ARHGEF10: variants seen among roughly 807,000 people sequenced by gnomAD.
ARHGEF10 encodes the protein Rho guanine nucleotide exchange factor 10.
Under a neutral mutation model 147.4 loss-of-function variants are expected in ARHGEF10, and 140 were observed. The observed-to-expected ratio is 0.95, with a 90% CI of 0.83 to 1.09. The LOEUF is 1.09. Among genes scored for constraint, ARHGEF10 ranks in the 50% least tolerant of loss-of-function variants. The pLI is 0.00. For synonymous variants in ARHGEF10, 902 were observed against 695.8 expected (o/e 1.30, Z -4.67); for missense variants, 2,222 against 1,752.7 (o/e 1.27, Z -4.78).
rs1307051844 is a variant in ARHGEF10 at position 1,896,347 on chromosome 8, G to A, written c.1455G>A (p.Met485Ile). ...CTGTGTTTCAGTTTTCTAAGTCCAT[G>A]GTGCTGGATGCATACAGTGAATATG... Reference protein sequence around the residue: ...DVFVASFSKSMVLDAYSEYVN... With the variant: ...DVFVASFSKSIVLDAYSEYVN... The change falls in exon 14 of 29, where the codon ATG becomes ATA. Residue 485 changes from methionine to isoleucine, a missense_variant. Coordinates refer to ENST00000349830, the MANE Select transcript of ARHGEF10 (RefSeq NM_014629.4). 1 of 1,613,416 alleles carries A rather than the reference G, an allele frequency of 6.2e-7. No individual in the cohort carries two copies. Among genetic ancestry groups the A allele is most frequent in the Non-Finnish European group, 8.5e-7 (1 of 1,179,592 alleles).
At chr8:1,869,144 A>T (rs766096147) in intron 6 of ARHGEF10, 50 bp from the exon 7 acceptor site, 2 of 1,520,612 alleles carry the variant, frequency 1.3e-6, no homozygotes, top group Non-Finnish European at 1.8e-6. Context: ...TTTAAATTGC[A>T]CTAGGTTTTG....
rs532348940 is a variant in ARHGEF10 at position 1,926,783 on chromosome 8, AT to A, written c.2697+328del. On this transcript the variant is annotated intron_variant, in intron 23 of 28. Coordinates refer to ENST00000349830, the MANE Select transcript of ARHGEF10 (RefSeq NM_014629.4). ...CCATTTTGGTGTCAACATTGCATGG[AT>A]TTTTTTTCTTGTTCCAAGACTGGCT... 2.2e-4 allele frequency: 82 copies of A among 373,012 alleles called. 1 individual carries two copies. The East Asian group carries it at 4.6e-3, about 21-fold the overall frequency. 23.1% of individuals were successfully genotyped at this position (373,012 alleles called of 1,614,324 possible).
intron 2 of ARHGEF10, among the ~76,000 whole-genome samples, chr8:1,844,472 T>TCACCGG (rs1804386879): frequency 2.8e-4 from 5 of 17,936 alleles, no homozygotes; most frequent in South Asian, 3.3e-3. Context: ...GGGTGAGCAG[T>TCACCGG]GGCCACCCCA....
At chr8:1,954,628 A>C in intron 28 of ARHGEF10, among the ~76,000 whole-genome samples, 1 of 152,066 alleles carries the variant, frequency 6.6e-6, no homozygotes, top group Non-Finnish European at 1.5e-5. Flanking sequence ...AGGGGCTGTG[A>C]CTCACACACT....
At chr8:1,888,115 TTA>T (rs1808871851) in intron 11 of ARHGEF10, among the ~76,000 whole-genome samples, 1 of 100,126 alleles carries the variant, frequency 1.0e-5, no homozygotes, top group African/African-American at 8.5e-5. Context: ...GAGGAGACAC[TTA>T]GTGGGGTGAG....
intron 11 of ARHGEF10, among the ~76,000 whole-genome samples, chr8:1,888,127 G>A (rs1382972446): frequency 3.9e-5 from 3 of 76,090 alleles, no homozygotes; most frequent in African/African-American, 2.3e-4. Context: ...AGTGGGGTGA[G>A]GGTTTGCGAG....
chr8:1,892,484 T>A (rs939924853), intron 11 of ARHGEF10, among the ~76,000 whole-genome samples: 3 of 152,174 alleles, frequency 2.0e-5, no homozygotes, highest in African/African-American at 7.2e-5. Context: ...TAATCAGGTT[T>A]TGTAAATCTT....
Position 1,843,424 on chromosome 8 carries a change from C to A in ARHGEF10, c.25C>A (p.Pro9Thr), listed in dbSNP as rs775611685. 5.0e-6 allele frequency: 8 copies of A among 1,613,060 alleles called. No individual in the cohort carries two copies. In the Admixed American group the frequency reaches 1.0e-4, roughly 20 times the overall value. Reference sequence around the variant, plus strand: ...CATGGACCAGCGAGAGCCCCTGCCTCCCGCTCCTGCAGGTAACAGCACTCA... The same window carrying A: ...CATGGACCAGCGAGAGCCCCTGCCTACCGCTCCTGCAGGTAACAGCACTCA... MDQREPLPPAPAENEMKYD... is the reference protein window; with the variant it reads MDQREPLPTAPAENEMKYD... The change falls in exon 2 of 29, where the codon CCC (proline) becomes ACC (threonine). Residue 9 changes from proline (P) to threonine (T), a missense_variant. Physicochemically the swap from Pro to Thr is conservative, Grantham distance 38. Transcript: ENST00000349830.
At chr8:1,927,953 A>C (rs1429479740) in intron 23 of ARHGEF10, among the ~76,000 whole-genome samples, 4 of 152,176 alleles carry the variant, frequency 2.6e-5, no homozygotes, top group African/African-American at 9.7e-5. Context: ...AAAAAGAAAA[A>C]AAAAGAAATT....
rs114864414 is a variant in ARHGEF10, at chr8:1,940,760, A to G, written c.3223-4721A>G. On this transcript the variant is annotated intron_variant, in intron 26 of 28. Coordinates refer to ENST00000349830, the MANE Select transcript of ARHGEF10 (RefSeq NM_014629.4). The stretch of plus-strand genomic sequence containing the variant: ...AAATTGAAATCAACAGCGTACTGAA[A>G]GGATTGTGTACCCTGGAAAAATGAG... Among the ~76,000 whole-genome samples, 672 of 152,310 alleles carry G rather than the reference A, an allele frequency of 4.4e-3. 7 individuals carry two copies. Among genetic ancestry groups the G allele is most frequent in the African/African-American group, 0.015 (631 of 41,560 alleles).
intron 16 of ARHGEF10, among the ~76,000 whole-genome samples, chr8:1,905,221 T>A (rs924984222): frequency 9.9e-5 from 15 of 151,670 alleles, no homozygotes; most frequent in Admixed American, 6.6e-5. Flanking sequence ...CTGATGGTTT[T>A]GCTTTGGCTC....
At chr8:1,890,207 G>T (rs1316248919) in intron 11 of ARHGEF10, among the ~76,000 whole-genome samples, 1 of 132,188 alleles carries the variant, frequency 7.6e-6, no homozygotes, top group African/African-American at 3.0e-5. Context: ...GGTGAGGGTT[G>T]TGAAGAGACA....
intron 10 of ARHGEF10, 47 bp downstream of exon 10, chr8:1,882,796 G>C (rs767527314): frequency 1.5e-6 from 2 of 1,330,460 alleles, no homozygotes; most frequent in East Asian, 5.2e-5. Context: ...GGGTTGGGGG[G>C]GGCGGCCACA....
At chr8:1,848,660 G>T (rs1051084178) in intron 2 of ARHGEF10, among the ~76,000 whole-genome samples, 5 of 152,150 alleles carry the variant, frequency 3.3e-5, no homozygotes, top group Non-Finnish European at 5.9e-5. Context: ...TACAATGCAT[G>T]TTAATTGTAG....
Position 1,866,422 on chromosome 8 carries a change from GACACACACACAC to G in ARHGEF10, c.546-87_546-76del, listed in dbSNP as rs57422654. 1.1e-4 allele frequency: 83 copies of G among 782,224 alleles called. 2 individuals carry two copies. The highest frequency in any genetic ancestry group is 7.8e-4 in the East Asian group (31 of 39,998). The allele number at this position is 782,224 out of a possible 1,614,324, so 48.5% of individuals were successfully genotyped here. On this transcript the variant is annotated intron_variant, in intron 5 of 28. Transcript: ENST00000349830. Reference sequence around the variant, plus strand: ...ATAGTAACATATATATATATATTCTGACACACACACACACACACACACACACACTCTGCAGGG... The same window carrying G: ...ATAGTAACATATATATATATATTCTGACACACACACACACACTCTGCAGGG...
intron 7 of ARHGEF10, among the ~76,000 whole-genome samples, chr8:1,872,867 C>T (rs1334139197): frequency 6.6e-6 from 1 of 152,238 alleles, no homozygotes; most frequent in Non-Finnish European, 1.5e-5. Context: ...AGGGTGATTT[C>T]ATCCTGTTGA....
chr8:1,899,440 C>A (rs376495439), intron 15 of ARHGEF10, among the ~76,000 whole-genome samples: 1 of 152,218 alleles, frequency 6.6e-6, no homozygotes, highest in African/African-American at 2.4e-5. Context: ...CTGGTGGAGT[C>A]ATCGCCAGAA....
chr8:1,894,851 A>G (rs927782505), intron 13 of ARHGEF10, among the ~76,000 whole-genome samples: 4 of 152,352 alleles, frequency 2.6e-5, no homozygotes, highest in South Asian at 2.1e-4. Context: ...CGAGTCTTGG[A>G]TGCCCCATTA....
At chr8:1,829,676 A>G (rs746811444) in intron 1 of ARHGEF10, among the ~76,000 whole-genome samples, 39 of 152,118 alleles carry the variant, frequency 2.6e-4, no homozygotes, top group Non-Finnish European at 4.4e-4. Context: ...CTTTCTCTGG[A>G]AGCTGTGGTC....
Sources: gnomAD v4.1 joint callset for allele counts (sites outside exome capture counted in the v4.1 genomes callset) on GRCh38, gnomAD v4.1.1 for gene constraint, MANE v1.5 for transcripts, NCBI Gene and HGNC (gene_info 2026-07-23, HGNC 2026-07-21) for gene names.